The following UVRAG variants were observed in gnomAD, a reference collection of about 807,000 sequenced individuals.
The protein encoded by UVRAG is UV radiation resistance-associated gene protein.
A neutral mutation model predicts 78.0 loss-of-function variants in UVRAG; 19 were observed. The observed-to-expected ratio is 0.24, with a 90% confidence interval of 0.17 to 0.36. The LOEUF (loss-of-function observed/expected upper bound fraction) is 0.36, where lower values mean the gene tolerates loss of function less well. Among genes scored for constraint, UVRAG ranks in the 10% least tolerant of loss-of-function variants. The probability of loss-of-function intolerance (pLI) is 1.00; values close to 1 mark genes in which losing one functional copy is unlikely to be tolerated. For missense variants in UVRAG, 740 were observed against 853.8 expected (o/e 0.87, Z 1.66); for synonymous variants, 323 against 324.6 (o/e 1.00, Z 0.05).
Position 75,851,903 on chromosome 11 carries a change from G to T in UVRAG, c.138G>T (p.Arg46=), listed in dbSNP as rs374218887. 1 of 1,612,398 alleles carries T rather than the reference G, an allele frequency of 6.2e-7. No homozygotes were observed. Among genetic ancestry groups the T allele is most frequent in the African/African-American group, 1.3e-5 (1 of 74,820 alleles). The part of the protein sequence containing the change: ...PSQQRRLRHL[R]NIAARNIVNR... ...TTCAGCGGCGTCTTCGACATCTTCG[G>T]AACATTGCTGCCCGGAACATTGTTA... Residue 46 remains arginine, a synonymous_variant, in exon 2 of 15, where the codon CGG becomes CGT. Transcript: ENST00000356136.
intron 8 of UVRAG, among the ~76,000 whole-genome samples, chr11:75,987,664 A>G (rs1449072359): frequency 1.3e-5 from 2 of 151,862 alleles, no homozygotes; most frequent in Non-Finnish European, 2.9e-5. Context: ...AAGGTTTACT[A>G]TAAGCATTTT....
At chr11:75,965,367 A>G (rs1212028083) in intron 7 of UVRAG, among the ~76,000 whole-genome samples, 1 of 152,188 alleles carries the variant, frequency 6.6e-6, no homozygotes, top group Non-Finnish European at 1.5e-5. Flanking sequence ...GCTAGAGTGC[A>G]GTGGCGCGAT....
At chr11:76,116,098 C>A in intron 14 of UVRAG, 83 bp downstream of exon 14, 2 of 1,298,848 alleles carry the variant, frequency 1.5e-6, no homozygotes, top group African/African-American at 1.5e-5. Flanking sequence ...CATTGCTCCA[C>A]ACCTGCCTCT....
chr11:76,110,872 G>A (rs542101807), intron 13 of UVRAG, among the ~76,000 whole-genome samples: 14 of 152,062 alleles, frequency 9.2e-5, no homozygotes, highest in African/African-American at 3.4e-4. Context: ...TTATTTGTTT[G>A]TTTGCTTGGA....
chr11:76,061,598 A>G lies in UVRAG; in HGVS notation c.1227-4112A>G, dbSNP rs1951096592. Among the ~76,000 whole-genome samples, 2 of 151,738 alleles carry G rather than the reference A, an allele frequency of 1.3e-5. 1 individual carries two copies. The highest frequency in any genetic ancestry group is 4.8e-5 in the African/African-American group (2 of 41,328). On this transcript the variant is annotated intron_variant, in intron 12 of 14. Transcript: ENST00000356136. ...CACCGGGAGGAACGAACAACTCCAGACGCGCCACCTTAAGAGCTGTAACAC... is the reference window on the plus strand; with the variant it reads ...CACCGGGAGGAACGAACAACTCCAGGCGCGCCACCTTAAGAGCTGTAACAC...
At chr11:76,008,764 C>A (rs1323581527) in intron 10 of UVRAG, 43 bp from the exon 11 acceptor site, 1 of 1,147,232 alleles carries the variant, frequency 8.7e-7, no homozygotes, top group Non-Finnish European at 1.2e-6. Flanking sequence ...CTTAGAGTTT[C>A]TTTGCTTTAT....
At chr11:75,964,956 T>G (rs916769324) in intron 7 of UVRAG, among the ~76,000 whole-genome samples, 4 of 152,242 alleles carry the variant, frequency 2.6e-5, no homozygotes, top group African/African-American at 4.8e-5. Flanking sequence ...TCTGTTCCAT[T>G]GATCTATATG....
At chr11:76,023,773 TCAGA>T (rs1950285244) in intron 12 of UVRAG, among the ~76,000 whole-genome samples, 1 of 152,178 alleles carries the variant, frequency 6.6e-6, no homozygotes, top group Non-Finnish European at 1.5e-5. Context: ...GATTTAATGT[TCAGA>T]CAATTGATAT....
chr11:75,993,332 AC>A (rs1235651497), intron 8 of UVRAG, among the ~76,000 whole-genome samples: 2 of 152,120 alleles, frequency 1.3e-5, no homozygotes, highest in East Asian at 3.9e-4. Context: ...TCACACTCAT[AC>A]GTTTTCCCTT....
chr11:75,840,031 A>G (rs987496083), intron 1 of UVRAG, among the ~76,000 whole-genome samples: 2 of 152,090 alleles, frequency 1.3e-5, no homozygotes, highest in African/African-American at 2.4e-5. Context: ...AATCACAGGC[A>G]TGCTATTACT....
rs549795347 is a variant in UVRAG at position 75,881,095 on chromosome 11, A to G, written c.432+1055A>G. 2.0e-3 allele frequency among the ~76,000 whole-genome samples: 311 copies of G among 151,928 alleles called. 2 individuals carry two copies. The highest frequency in any genetic ancestry group is 1.6e-3 in the Non-Finnish European group (107 of 67,948). On this transcript the variant is annotated intron_variant, in intron 4 of 14. Coordinates refer to ENST00000356136, the MANE Select transcript of UVRAG (RefSeq NM_003369.4). Reference sequence around the variant, plus strand: ...TCCCTCAATACCTCCTGCCTCAGCAAGTAGCTGGGACTACAGGCAGGCGCC... The same window carrying G: ...TCCCTCAATACCTCCTGCCTCAGCAGGTAGCTGGGACTACAGGCAGGCGCC...
intron 14 of UVRAG, among the ~76,000 whole-genome samples, chr11:76,121,795 T>C (rs552985455): frequency 5.9e-5 from 9 of 152,330 alleles, no homozygotes; most frequent in African/African-American, 2.2e-4. Context: ...TATCCAGATG[T>C]TGCTCTCACT....
chr11:76,040,242 G>T (rs1209632463), intron 12 of UVRAG, among the ~76,000 whole-genome samples: 2 of 151,986 alleles, frequency 1.3e-5, no homozygotes, highest in African/African-American at 4.8e-5. Context: ...AAGCGGCCGG[G>T]CATGGTGGAT....
intron 5 of UVRAG, among the ~76,000 whole-genome samples, chr11:75,894,046 G>T: frequency 6.6e-6 from 1 of 152,190 alleles, no homozygotes. Flanking sequence ...GGAGCATATA[G>T]TGTATAAGAA....
chr11:75,905,077 A>T (rs1243110868), intron 5 of UVRAG, among the ~76,000 whole-genome samples: 1 of 152,144 alleles, frequency 6.6e-6, no homozygotes, highest in Non-Finnish European at 1.5e-5. Context: ...TTTTTATAGT[A>T]AGAAAAAATA....
At chr11:76,003,863 C>A in intron 8 of UVRAG, 142 bp from the exon 9 acceptor site, 1 of 684,404 alleles carries the variant, frequency 1.5e-6, no homozygotes. Context: ...AGCTACTCTC[C>A]CCAAAAAATC....
chr11:75,888,940 G>T (rs1724715941), intron 5 of UVRAG, 37 bp downstream of exon 5: 2 of 1,562,020 alleles, frequency 1.3e-6, no homozygotes, highest in Non-Finnish European at 1.8e-6. Flanking sequence ...ATTTTGTTTA[G>T]TGCAGGTGTG....
Position 76,142,322 on chromosome 11 carries a change from A to C in UVRAG, c.*909A>C, listed in dbSNP as rs914455520. 1 of 152,184 alleles carries C rather than the reference A, an allele frequency of 6.6e-6. No homozygotes were observed. The highest frequency in any genetic ancestry group is 6.5e-5 in the Admixed American group (1 of 15,280). The allele number at this position is 152,184 out of a possible 1,614,324, so 9.4% of individuals were successfully genotyped here. On this transcript the variant is annotated 3_prime_UTR_variant, in exon 15 of 15. Transcript: ENST00000356136. ...AATCCCTTGATGTAAATCCCATGTTAATTTATTAAATTTCAGTCAGAAGGT... is the reference window on the plus strand; with the variant it reads ...AATCCCTTGATGTAAATCCCATGTTCATTTATTAAATTTCAGTCAGAAGGT...
intron 1 of UVRAG, among the ~76,000 whole-genome samples, chr11:75,825,426 A>G (rs1229699362): frequency 4.6e-5 from 7 of 152,094 alleles, no homozygotes; most frequent in Non-Finnish European, 8.8e-5. Flanking sequence ...AAAGTCTTAT[A>G]TTGTTAAATT....
Sources: allele counts gnomAD v4.1 joint callset (sites outside exome capture counted in the v4.1 genomes callset), GRCh38; gene constraint gnomAD v4.1.1; transcripts MANE v1.5; gene names NCBI Gene and HGNC (gene_info 2026-07-23, HGNC 2026-07-21).